Variants in NPAS4 observed in about 807,000 individuals in gnomAD.
NPAS4 encodes the protein neuronal PAS domain-containing protein 4.
Under a neutral mutation model 64.0 loss-of-function variants are expected in NPAS4, and 10 were observed. The observed-to-expected ratio is 0.16, with a 90% CI of 0.10 to 0.26. NPAS4 has a LOEUF of 0.26. NPAS4 is among the 10% of genes least tolerant of loss of function. NPAS4 has a pLI of 1.00. For synonymous variants in NPAS4, 441 were observed against 411.7 expected (o/e 1.07, Z -0.86); for missense variants, 886 against 992.6 (o/e 0.89, Z 1.44).
upstream of NPAS4, among the ~76,000 whole-genome samples, chr11:66,417,867 G>GTCTATA (rs1856688401): frequency 6.6e-6 from 1 of 152,042 alleles, no homozygotes; most frequent in Admixed American, 6.6e-5. Context: ...ATATACAGGG[G>GTCTATA]TACAGACTCG....
At chr11:66,422,013 T>G (rs1013955071) in intron 1 of NPAS4, 107 bp from the exon 2 acceptor site, 69 of 995,202 alleles carry the variant, frequency 6.9e-5, no homozygotes, top group East Asian at 7.6e-5. Context: ...CAGAGGCAGG[T>G]CCATGAGAAA....
the NPAS4 span, among the ~76,000 whole-genome samples, chr11:66,411,496 A>C: frequency 6.6e-6 from 1 of 152,210 alleles, no homozygotes; most frequent in Non-Finnish European, 1.5e-5. Context: ...GACTGAGCTC[A>C]GCTCGTCTTC....
At chr11:66,410,528 C>T in the NPAS4 span, 55 of 152,416 alleles carry the variant, frequency 3.6e-4, no homozygotes, top group African/African-American at 1.2e-3. Context: ...GTCAGGGTGC[C>T]GCTAAGACTA....
the NPAS4 span, among the ~76,000 whole-genome samples, chr11:66,414,099 G>T: frequency 5.3e-5 from 8 of 152,200 alleles, no homozygotes; most frequent in African/African-American, 1.9e-4. Context: ...CAGGGACAAT[G>T]CAGGGTGCAG....
chr11:66,414,858 G>GA, the NPAS4 span, among the ~76,000 whole-genome samples: 3 of 151,684 alleles, frequency 2.0e-5, no homozygotes, highest in African/African-American at 4.8e-5. Flanking sequence ...GAACAACCTA[G>GA]AAAAAAAACA....
intron 4 of NPAS4, 39 bp from the exon 5 acceptor site, chr11:66,423,084 G>T (rs770460907): frequency 9.1e-6 from 14 of 1,535,010 alleles, no homozygotes; most frequent in South Asian, 5.8e-5. Context: ...ATCAAGCAAG[G>T]AAAACAGAAA....
intron 4 of NPAS4, 42 bp from the exon 5 acceptor site, chr11:66,423,081 A>G: frequency 6.6e-7 from 1 of 1,526,574 alleles, no homozygotes; most frequent in Non-Finnish European, 9.0e-7. Flanking sequence ...GGTATCAAGC[A>G]AGGAAAACAG....
upstream of NPAS4, among the ~76,000 whole-genome samples, chr11:66,416,201 T>C (rs1189645361): frequency 6.6e-6 from 1 of 152,162 alleles, no homozygotes; most frequent in African/African-American, 2.4e-5. Flanking sequence ...TAACGTTAAG[T>C]GGATTTGCAC....
Position 66,421,334 on chromosome 11 carries a change from AG to A in NPAS4, c.158del (p.Gly53AlafsTer26), listed in dbSNP as rs2134640742. On this transcript the variant is annotated frameshift_variant, in exon 1 of 8. Transcript: ENST00000311034. LOFTEE classifies it high-confidence loss of function. ...AGCCTCGCCTGCATCTACACTCGCAAGGGCGTCTTCTTCGCTGGTGGTGAGC... is the reference window on the plus strand; with the variant it reads ...AGCCTCGCCTGCATCTACACTCGCAAGGCGTCTTCTTCGCTGGTGGTGAGC... The part of the protein sequence containing the change: ...IMSLACIYTR[K>X]GVFFAGGTPL... 1 of 1,614,108 alleles carries A rather than the reference AG, an allele frequency of 6.2e-7. No homozygotes were observed. The highest frequency in any genetic ancestry group is 1.1e-5 in the South Asian group (1 of 91,086).
chr11:66,422,226 G>C lies in NPAS4; in HGVS notation c.282G>C (p.Leu94Phe). The change falls in exon 2 of 8, where the codon TTG becomes TTC. Residue 94 changes from leucine (L) to phenylalanine (F), a missense_variant. Leu to Phe is a conservative substitution (Grantham distance 22). This residue lies in a region of NPAS4 where 820 missense variants were observed against 855.5 expected (regional missense o/e 0.96). Coordinates refer to ENST00000311034, the MANE Select transcript of NPAS4 (RefSeq NM_178864.4). ...FLLVFTAEGK[L>F]LYLSESVSEH... ...TTGTGTTCACAGCCGAGGGGAAATT[G>C]CTCTACCTGTCTGAGAGTGTGAGCG... 1 of 1,614,054 alleles carries C rather than the reference G, an allele frequency of 6.2e-7. No individual in the cohort carries two copies. The highest frequency in any genetic ancestry group is 8.5e-7 in the Non-Finnish European group (1 of 1,180,012).
Position 66,421,397 on chromosome 11 carries a change from C to G in NPAS4, c.175+43C>G, listed in dbSNP as rs764076261. The G allele has an allele frequency of 3.1e-6, 5 of 1,591,850 alleles. No individual in the cohort carries two copies. The Admixed American group carries it at 8.4e-5, about 27-fold the overall frequency. On this transcript the variant is annotated intron_variant, in intron 1 of 7. Coordinates refer to ENST00000311034, the MANE Select transcript of NPAS4 (RefSeq NM_178864.4). ...ACCGCAGATCCGAGCTGCCAGGCGCCGGAGACCCTGGAGCTGAGGGAACCC... is the reference window on the plus strand; with the variant it reads ...ACCGCAGATCCGAGCTGCCAGGCGCGGGAGACCCTGGAGCTGAGGGAACCC...
rs1308092896 is a variant in NPAS4, at chr11:66,424,749, G to A, written c.1859G>A (p.Ser620Asn). 3 of 1,613,884 alleles carry A rather than the reference G, an allele frequency of 1.9e-6. No individual in the cohort carries two copies. Among genetic ancestry groups the A allele is most frequent in the Admixed American group, 1.7e-5 (1 of 59,988 alleles). ...CCTGAGGCCTCTCCAGTCAAGCAGA[G>A]TTTCTTCCACTACTCTGAAAAGGAG... is the stretch of plus-strand genomic sequence containing the variant. ...LTPEASPVKQ[S>N]FFHYSEKEQN... The change falls in exon 7 of 8, where the codon AGT becomes AAT. Residue 620 changes from serine (S) to asparagine (N), a missense_variant. Ser to Asn is a conservative substitution (Grantham distance 46). Transcript: ENST00000311034.
chr11:66,422,238 T>G lies in NPAS4; in HGVS notation c.294T>G (p.Ser98=). The G allele has an allele frequency of 6.2e-7, 1 of 1,614,046 alleles. No individual in the cohort carries two copies. The highest frequency in any genetic ancestry group is 1.1e-5 in the South Asian group (1 of 91,082). The change falls in exon 2 of 8, where the codon TCT becomes TCG. Residue 98 remains serine, a synonymous_variant. Transcript: ENST00000311034. ...CCGAGGGGAAATTGCTCTACCTGTCTGAGAGTGTGAGCGAGCATCTGGGCC... is the reference window on the plus strand; with the variant it reads ...CCGAGGGGAAATTGCTCTACCTGTCGGAGAGTGTGAGCGAGCATCTGGGCC... ...FTAEGKLLYL[S]ESVSEHLGHS... is the part of the protein sequence containing the mutation.
Position 66,425,013 on chromosome 11 carries a change from C to T in NPAS4, c.2123C>T (p.Thr708Met), listed in dbSNP as rs759012677. The T allele has an allele frequency of 3.1e-6, 5 of 1,613,940 alleles. No homozygotes were observed. Among genetic ancestry groups the T allele is most frequent in the Admixed American group, 1.7e-5 (1 of 60,002 alleles). The change falls in exon 7 of 8, where the codon ACG becomes ATG. Residue 708 changes from threonine (T) to methionine (M), a missense_variant. By Grantham distance (81) the Thr-to-Met change is moderately conservative. Coordinates refer to ENST00000311034, the MANE Select transcript of NPAS4 (RefSeq NM_178864.4). ...ADPDNMFLEE[T>M]PVEDIFMDLS... ...CCTGATAACATGTTCCTGGAAGAGA[C>T]GCCCGTGGAAGACATCTTCATGGAT...
In NPAS4 at chr11:66,424,609, G is replaced by T. The variant is rs1856810757; in HGVS notation, c.1719G>T (p.Lys573Asn). 1 of 1,614,178 alleles carries T rather than the reference G, an allele frequency of 6.2e-7. No individual in the cohort carries two copies. Among genetic ancestry groups the T allele is most frequent in the Non-Finnish European group, 8.5e-7 (1 of 1,180,028 alleles). The change falls in exon 7 of 8, where the codon AAG becomes AAT. Residue 573 changes from lysine (K) to asparagine (N), a missense_variant. Coordinates refer to ENST00000311034, the MANE Select transcript of NPAS4 (RefSeq NM_178864.4). The stretch of plus-strand genomic sequence containing the variant: ...AGGGATGCAGTTTTCTCTATGAGAA[G>T]TTGCCCCCAAGTCCTAGCAGCCCTG... ...AQEGCSFLYEKLPPSPSSPGN... is the reference protein window; with the variant it reads ...AQEGCSFLYENLPPSPSSPGN...
intron 5 of NPAS4, 90 bp downstream of exon 5, chr11:66,423,322 G>T (rs1304717658): frequency 2.1e-6 from 2 of 960,440 alleles, no homozygotes; most frequent in Non-Finnish European, 3.3e-6. Flanking sequence ...CAAGAGTGAT[G>T]CTGGGGAGAT....
At chr11:66,423,461 G>T in intron 5 of NPAS4, 117 bp from the exon 6 acceptor site, 1 of 1,241,216 alleles carries the variant, frequency 8.1e-7, no homozygotes, top group Non-Finnish European at 1.2e-6. Context: ...TTCAGGTGAG[G>T]GTAGTCAGAA....
chr11:66,423,575 C>T lies in NPAS4; in HGVS notation c.809-3C>T, dbSNP rs1191065776. ...CCTAACTCTGCATCTTCTTTCTCCC[C>T]AGTGGCTGAGAGTGGAGATATTCAG... On this transcript the variant is annotated splice_polypyrimidine_tract_variant and splice_region_variant and intron_variant, in intron 5 of 7. Transcript: ENST00000311034. 6.8e-6 allele frequency: 11 copies of T among 1,613,842 alleles called. No individual in the cohort carries two copies. The African/African-American group carries it at 1.3e-4, about 20-fold the overall frequency.
chr11:66,410,632 C>G, the NPAS4 span: 1 of 152,378 alleles, frequency 6.6e-6, no homozygotes, highest in Non-Finnish European at 1.5e-5. Flanking sequence ...GCACCATGAA[C>G]CAAGGACCTG....
Sources: gnomAD v4.1 joint callset for allele counts (sites outside exome capture counted in the v4.1 genomes callset) on GRCh38, gnomAD v4.1.1 for gene constraint, gnomAD v4.1.1 regional missense constraint, MANE v1.5 for transcripts, NCBI Gene and HGNC (gene_info 2026-07-23, HGNC 2026-07-21) for gene names.